Variants in SAMD3 observed in about 807,000 individuals in gnomAD.
The protein encoded by SAMD3 is sterile alpha motif domain containing 3.
In SAMD3, 63 loss-of-function variants were observed where a neutral mutation model predicts 58.5. The observed-to-expected ratio is 1.08, with a 90% CI of 0.88 to 1.33. The LOEUF is 1.33. Ranked by LOEUF, SAMD3 falls within the 40% of genes most tolerant of loss-of-function variation. SAMD3 has a pLI of 0.00. For missense variants in SAMD3, 604 were observed against 608.4 expected (o/e 0.99, Z 0.08); for synonymous variants, 220 against 210.3 (o/e 1.05, Z -0.40).
At chr6:130,254,220 T>G (rs1773847103) in intron 2 of SAMD3, among the ~76,000 whole-genome samples, 1 of 151,750 alleles carries the variant, frequency 6.6e-6, no homozygotes, top group South Asian at 2.1e-4. Context: ...TGAGACAGAG[T>G]TTTGCTCTTA....
chr6:130,214,058 C>T (rs1400398439), intron 4 of SAMD3, among the ~76,000 whole-genome samples: 2 of 152,104 alleles, frequency 1.3e-5, no homozygotes, highest in African/African-American at 2.4e-5. Context: ...TGTTACATAC[C>T]TATTTCACCT....
intron 4 of SAMD3, 105 bp downstream of exon 4, chr6:130,214,231 GA>G: frequency 1.1e-6 from 1 of 889,730 alleles, no homozygotes; most frequent in Non-Finnish European, 1.6e-6. Flanking sequence ...CAATCTAGCT[GA>G]AAACGGTCAC....
intron 8 of SAMD3, among the ~76,000 whole-genome samples, chr6:130,156,579 C>T (rs572313611): frequency 1.4e-4 from 21 of 152,252 alleles, no homozygotes; most frequent in Non-Finnish European, 2.9e-4. Flanking sequence ...TTACCCATTA[C>T]GTTTCACATA....
chr6:130,223,088 C>T (rs1342354150), upstream of SAMD3: 1 of 152,138 alleles, frequency 6.6e-6, no homozygotes, highest in Non-Finnish European at 1.5e-5. Flanking sequence ...TACATGTTTA[C>T]CATAATATAT....
intron 2 of SAMD3, among the ~76,000 whole-genome samples, chr6:130,271,676 T>C (rs776745817): frequency 6.6e-6 from 1 of 152,240 alleles, no homozygotes; most frequent in African/African-American, 2.4e-5. Flanking sequence ...ATCCATTGTA[T>C]TAGTCTGTTT....
chr6:130,233,171 A>G (rs1796593356), intron 2 of SAMD3, among the ~76,000 whole-genome samples: 1 of 152,166 alleles, frequency 6.6e-6, no homozygotes, highest in African/African-American at 2.4e-5. Context: ...GGTGGCTACA[A>G]ATTTGTGGAT....
intron 2 of SAMD3, among the ~76,000 whole-genome samples, chr6:130,295,730 T>A (rs1310895344): frequency 6.6e-6 from 1 of 152,118 alleles, no homozygotes; most frequent in Non-Finnish European, 1.5e-5. Context: ...AAAATGGATA[T>A]TGGGTAGTCA....
At chr6:130,307,881 A>C (rs1321539018) in intron 2 of SAMD3, among the ~76,000 whole-genome samples, 1 of 152,206 alleles carries the variant, frequency 6.6e-6, no homozygotes, top group Admixed American at 6.5e-5. Context: ...ATTGTAAAAA[A>C]CCAGTTTGTG....
intron 1 of SAMD3, among the ~76,000 whole-genome samples, chr6:130,316,048 C>T (rs546469040): frequency 6.8e-4 from 103 of 152,074 alleles, no homozygotes; most frequent in African/African-American, 2.3e-3. Context: ...CCCAGCACTT[C>T]GGGAGGCCGA....
chr6:130,253,166 T>A (rs1262481183), intron 2 of SAMD3, among the ~76,000 whole-genome samples: 1 of 152,188 alleles, frequency 6.6e-6, no homozygotes, highest in Non-Finnish European at 1.5e-5. Flanking sequence ...TTCCAGCACA[T>A]CCTTTTCTGG....
At chr6:130,265,993 C>A (rs1271137405) in intron 2 of SAMD3, among the ~76,000 whole-genome samples, 1 of 152,146 alleles carries the variant, frequency 6.6e-6, no homozygotes, top group Admixed American at 6.5e-5. Flanking sequence ...AAATCCTGTC[C>A]ACCTTCAGCA....
intron 2 of SAMD3, among the ~76,000 whole-genome samples, chr6:130,237,076 G>C (rs1773176730): frequency 6.7e-6 from 1 of 148,228 alleles, no homozygotes; most frequent in South Asian, 2.1e-4. Context: ...TATAATTAAT[G>C]ACTACTATGT....
intron 1 of SAMD3, among the ~76,000 whole-genome samples, chr6:130,346,982 AC>A (rs1777475365): frequency 6.6e-6 from 1 of 152,148 alleles, no homozygotes; most frequent in Non-Finnish European, 1.5e-5. Flanking sequence ...TCTGGAGTGG[AC>A]CTCCAGCAAA....
rs1412339110 is a variant in SAMD3, at chr6:130,292,263, C to CTT, written c.-188+20713_-188+20714dup. On this transcript the variant is annotated intron_variant, in intron 2 of 13. Coordinates refer to the SAMD3 transcript ENST00000368134. The stretch of plus-strand genomic sequence containing the variant: ...AATTCTCAGGAATAACTTTTTTTTT[C>CTT]TTTCTTTCTTTTTTTTTTTTTTTTG... Among the ~76,000 whole-genome samples the CTT allele has an allele frequency of 1.6e-4, 20 of 125,828 alleles. 1 individual carries two copies. Among genetic ancestry groups the CTT allele is most frequent in the East Asian group, 7.6e-4 (3 of 3,942 alleles). 82.5% of individuals were successfully genotyped at this position (125,828 alleles called of 152,430 possible). A position where few individuals can be genotyped will look rare whatever the true frequency, so the allele number is the denominator to read the frequency against.
intron 5 of SAMD3, among the ~76,000 whole-genome samples, chr6:130,193,060 C>T (rs1793703406): frequency 6.6e-6 from 1 of 152,204 alleles, no homozygotes. Context: ...AGGCAGCCTT[C>T]CCTTGGTGTT....
chr6:130,174,751 G>A (rs141808859), intron 8 of SAMD3, among the ~76,000 whole-genome samples: 1 of 152,282 alleles, frequency 6.6e-6, no homozygotes, highest in Admixed American at 6.5e-5. Flanking sequence ...CCTTTCAGCT[G>A]TCTTGTCTTT....
At chr6:130,324,021 G>A (rs1357784483) in intron 1 of SAMD3, among the ~76,000 whole-genome samples, 1 of 151,940 alleles carries the variant, frequency 6.6e-6, no homozygotes, top group Non-Finnish European at 1.5e-5. Context: ...AATACACTCT[G>A]GCATTTAACA....
chr6:130,322,234 C>A (rs1056673027), intron 1 of SAMD3, among the ~76,000 whole-genome samples: 3 of 152,074 alleles, frequency 2.0e-5, no homozygotes, highest in Admixed American at 2.0e-4. Context: ...CTTGGTTGAG[C>A]CACAGCTTCA....
chr6:130,360,413 G>C (rs1234825249), intron 1 of SAMD3, among the ~76,000 whole-genome samples: 1 of 152,142 alleles, frequency 6.6e-6, no homozygotes, highest in Non-Finnish European at 1.5e-5. Flanking sequence ...TGGGCATCTG[G>C]GGGAGACATC....
Sources: allele counts gnomAD v4.1 joint callset (sites outside exome capture counted in the v4.1 genomes callset), GRCh38; gene constraint gnomAD v4.1.1; transcripts MANE v1.5; gene names NCBI Gene and HGNC (gene_info 2026-07-23, HGNC 2026-07-21).